Variants in EXOC3 observed in about 807,000 individuals in gnomAD.
EXOC3 encodes the protein exocyst complex component 3, also known as SEC6-like 1.
EXOC3 carries 21 observed loss-of-function variants against 73.7 expected under a neutral mutation model. The observed-to-expected ratio is 0.29, with a 90% confidence interval of 0.20 to 0.41. EXOC3 has a LOEUF of 0.41. Ranked by LOEUF, EXOC3 falls within the 10% of genes least tolerant of loss-of-function variation. The pLI is 1.00. For synonymous variants in EXOC3, 410 were observed against 389.1 expected (o/e 1.05, Z -0.63); for missense variants, 842 against 985.1 (o/e 0.85, Z 1.95).
At chr5:451,343 G>A (rs561884534) in intron 3 of EXOC3, among the ~76,000 whole-genome samples, 1 of 152,088 alleles carries the variant, frequency 6.6e-6, no homozygotes, top group Admixed American at 6.5e-5. Context: ...ACTCCCTTTG[G>A]GTTGTTCATT....
At position 466,958 on chromosome 5, in the gene EXOC3, G is replaced by A. The variant is rs540787535; in HGVS notation, c.*60G>A. ...CCTCGGTCCCTGCCTTTAGAAACGC[G>A]GGACAGCTGATTGCTCTCCTTGGCC... On this transcript the variant is annotated 3_prime_UTR_variant, in exon 13 of 13. Transcript: ENST00000512944. The A allele has an allele frequency of 1.2e-4, 172 of 1,480,966 alleles. No individual in the cohort carries two copies. The African/African-American group carries it at 2.1e-3, about 18-fold the overall frequency. 91.7% of individuals were successfully genotyped at this position (1,480,966 alleles called of 1,614,324 possible).
At chr5:459,169 G>A (rs1344984557) in intron 6 of EXOC3, among the ~76,000 whole-genome samples, 190 bp from the exon 7 acceptor site, 1 of 140,030 alleles carries the variant, frequency 7.1e-6, no homozygotes, top group Non-Finnish European at 1.5e-5. Flanking sequence ...ACTTTCCCAG[G>A]TGAGAAAGTT....
In EXOC3 at chr5:456,785, G is replaced by C. The variant is rs1737829494; in HGVS notation, c.1047-104G>C. 13 of 870,886 alleles carry C rather than the reference G, an allele frequency of 1.5e-5. No individual in the cohort carries two copies. The South Asian group carries it at 2.0e-4, about 13-fold the overall frequency. 53.9% of individuals were successfully genotyped at this position (870,886 alleles called of 1,614,324 possible). ...GCCGGCTGTGACCAGGAAGTCTCCA[G>C]GGTGGTGGACATTCATGTGTCAAGT... On this transcript the variant is annotated intron_variant, in intron 4 of 12. Transcript: ENST00000512944.
chr5:466,210 G>T (rs1486696926), intron 12 of EXOC3: 3 of 290,296 alleles, frequency 1.0e-5, no homozygotes, highest in Non-Finnish European at 2.0e-5. Flanking sequence ...GGACTCGGGA[G>T]GGCCCAAGTG....
intron 6 of EXOC3, 139 bp from the exon 7 acceptor site, chr5:459,220 G>T: frequency 5.7e-6 from 2 of 349,520 alleles, no homozygotes; most frequent in Admixed American, 6.4e-5. Context: ...TTTTTCACGT[G>T]GTTTCATTTT....
chr5:446,067 T>C, intron 1 of EXOC3, 83 bp from the exon 2 acceptor site: 1 of 912,344 alleles, frequency 1.1e-6, no homozygotes, highest in Non-Finnish European at 1.7e-6. Flanking sequence ...TCAGAGGCTC[T>C]GCTTGTAGCT....
At position 457,928 on chromosome 5, in the gene EXOC3, C is replaced by T. The variant is rs1378474926; in HGVS notation, c.1193C>T (p.Ala398Val). Residue 398 changes from alanine (A) to valine (V), a missense_variant, in exon 6 of 13, where the codon GCG becomes GTG. Coordinates refer to ENST00000512944, the MANE Select transcript of EXOC3 (RefSeq NM_007277.5). The part of the protein sequence containing the change: ...TSNIIAWLRK[A>V]LETDKKDWVK... ...AACATCATCGCCTGGCTGCGGAAAG[C>T]GCTGGAGACAGACAAGAAAGACTGG... is the stretch of plus-strand genomic sequence containing the variant. 9.9e-6 allele frequency: 16 copies of T among 1,609,810 alleles called. No individual in the cohort carries two copies. The highest frequency in any genetic ancestry group is 1.1e-5 in the Non-Finnish European group (13 of 1,177,756).
chr5:448,431 G>A lies in EXOC3; in HGVS notation c.364+679G>A, dbSNP rs527318421. Among the ~76,000 whole-genome samples, 53 of 152,224 alleles carry A rather than the reference G, an allele frequency of 3.5e-4. 1 individual carries two copies. The South Asian group carries it at 1.0e-2, about 29-fold the overall frequency. ...AGCCTCATCCCTCCCCTTGGTCCCC[G>A]CTCTGTGTCAAGGTCAGCAGCATCC... On this transcript the variant is annotated intron_variant, in intron 3 of 12. Coordinates refer to ENST00000512944, the MANE Select transcript of EXOC3 (RefSeq NM_007277.5).
chr5:447,611 A>T lies in EXOC3; in HGVS notation c.223A>T (p.Ile75Phe). 1 of 1,588,008 alleles carries T rather than the reference A, an allele frequency of 6.3e-7. No individual in the cohort carries two copies. The highest frequency in any genetic ancestry group is 2.3e-5 in the East Asian group (1 of 43,256). Reference protein sequence around the residue: ...LHNALNDVKDIQQSLADVSKD... With the variant: ...LHNALNDVKDFQQSLADVSKD... The stretch of plus-strand genomic sequence containing the variant: ...CAACGCCCTGAATGACGTCAAAGAC[A>T]TCCAGCAGTCGCTGGCAGACGTCAG... Residue 75 changes from isoleucine (I) to phenylalanine (F), a missense_variant, in exon 3 of 13, where the codon ATC (isoleucine) becomes TTC (phenylalanine). Ile to Phe is a conservative substitution (Grantham distance 21). Transcript: ENST00000512944.
rs746137344 is a variant in EXOC3, at chr5:459,468, T to C, written c.1391+9T>C. On this transcript the variant is annotated intron_variant, in intron 7 of 12. Coordinates refer to ENST00000512944, the MANE Select transcript of EXOC3 (RefSeq NM_007277.5). ...AATTCTTTCCTAAGCAGGTATGTCTTTCTGCCAGTGTGCTAATGTACACAT... is the reference window on the plus strand; with the variant it reads ...AATTCTTTCCTAAGCAGGTATGTCTCTCTGCCAGTGTGCTAATGTACACAT... 3 of 1,430,172 alleles carry C rather than the reference T, an allele frequency of 2.1e-6. No homozygotes were observed. In the Admixed American group the frequency reaches 6.4e-5, roughly 30 times the overall value. 88.6% of individuals were successfully genotyped at this position (1,430,172 alleles called of 1,614,324 possible).
chr5:457,835 T>C, intron 5 of EXOC3, 65 bp from the exon 6 acceptor site: 2 of 1,534,586 alleles, frequency 1.3e-6, no homozygotes, highest in South Asian at 1.2e-5. Context: ...GACCAGGTAA[T>C]TGGCATGACC....
rs1449392314 is a variant in EXOC3, at chr5:453,962, G to A, written c.957G>A (p.Leu319=). ...KNLLNMYHQA[L]STRMQDLASE... Reference sequence around the variant, plus strand: ...TCCTGAACATGTACCACCAAGCCCTGAGCACGCGGATGCAGGACCTCGCAT... The same window carrying A: ...TCCTGAACATGTACCACCAAGCCCTAAGCACGCGGATGCAGGACCTCGCAT... Residue 319 remains leucine (L), a synonymous_variant, in exon 4 of 13, where the codon CTG becomes CTA. Coordinates refer to ENST00000512944, the MANE Select transcript of EXOC3 (RefSeq NM_007277.5). 1 of 1,613,880 alleles carries A rather than the reference G, an allele frequency of 6.2e-7. No homozygotes were observed. The highest frequency in any genetic ancestry group is 8.5e-7 in the Non-Finnish European group (1 of 1,179,892).
rs1264181798 is a variant in EXOC3, at chr5:465,194, G to A, written c.1860G>A (p.Pro620=). 67 of 1,595,458 alleles carry A rather than the reference G, an allele frequency of 4.2e-5. No homozygotes were observed. Among genetic ancestry groups the A allele is most frequent in the Non-Finnish European group, 5.5e-5 (65 of 1,171,450 alleles). Residue 620 remains proline (P), a synonymous_variant, in exon 11 of 13, where the codon CCG becomes CCA. Transcript: ENST00000512944. ...AGAAGCGCATTTCCTTCCGGAGCCC[G>A]GAGGAGCGCAAGGAGGGTGCCGAGA... ...VMQKRISFRS[P]EERKEGAEKM...
At position 462,300 on chromosome 5, in the gene EXOC3, A is replaced by G; in HGVS notation, c.1646A>G (p.Asp549Gly). Residue 549 changes from aspartate (D) to glycine (G), a missense_variant, in exon 9 of 13, where the codon GAC becomes GGC. Asp to Gly is a moderately conservative substitution (Grantham distance 94). Transcript: ENST00000512944. ...GGTTTGCTGGAGGAGGTCTTCCTGG[A>G]CCTGGAGGTGGGCCTGGCTCTTTCC... Reference protein sequence around the residue: ...CSGLLEEVFLDLEQHLNELMT... With the variant: ...CSGLLEEVFLGLEQHLNELMT... The G allele has an allele frequency of 3.1e-6, 5 of 1,613,864 alleles. No homozygotes were observed. The highest frequency in any genetic ancestry group is 4.2e-6 in the Non-Finnish European group (5 of 1,179,868).
Position 453,722 on chromosome 5 carries a change from G to T in EXOC3, c.717G>T (p.Gly239=). ...RKKQTGFVPP[G]RPKNWKEKMF... ...AGCAAACTGGCTTTGTTCCTCCTGG[G>T]AGGCCCAAGAATTGGAAGGAGAAAA... Residue 239 remains glycine (G), a synonymous_variant, in exon 4 of 13, where the codon GGG becomes GGT. Coordinates refer to ENST00000512944, the MANE Select transcript of EXOC3 (RefSeq NM_007277.5). 1 of 1,613,936 alleles carries T rather than the reference G, an allele frequency of 6.2e-7. No individual in the cohort carries two copies. Among genetic ancestry groups the T allele is most frequent in the Non-Finnish European group, 8.5e-7 (1 of 1,179,900 alleles).
chr5:444,181 G>C (rs1737435602), intron 1 of EXOC3, among the ~76,000 whole-genome samples: 1 of 152,274 alleles, frequency 6.6e-6, no homozygotes, highest in Admixed American at 6.5e-5. Flanking sequence ...AAGGCAGTCA[G>C]AAAGGCCCTG....
intron 1 of EXOC3, among the ~76,000 whole-genome samples, chr5:443,506 C>A: frequency 6.6e-6 from 1 of 151,646 alleles, no homozygotes; most frequent in Non-Finnish European, 1.5e-5. Flanking sequence ...GTGTCCCCCC[C>A]AGGCGTAGGT....
At position 453,953 on chromosome 5, in the gene EXOC3, C is replaced by T. The variant is rs1342727642; in HGVS notation, c.948C>T (p.His316=). The T allele has an allele frequency of 2.5e-6, 4 of 1,614,028 alleles. No individual in the cohort carries two copies. The highest frequency in any genetic ancestry group is 3.4e-6 in the Non-Finnish European group (4 of 1,179,884). Residue 316 remains histidine, a synonymous_variant, in exon 4 of 13, where the codon CAC becomes CAT. Transcript: ENST00000512944. ...EIFKNLLNMY[H]QALSTRMQDL... is the part of the protein sequence containing the mutation. ...TTAAGAACCTCCTGAACATGTACCA[C>T]CAAGCCCTGAGCACGCGGATGCAGG...
At chr5:458,888 G>A (rs2434699) in intron 6 of EXOC3, among the ~76,000 whole-genome samples, 70,130 of 151,736 alleles carry the variant, frequency 0.46, 17,180 homozygotes, top group African/African-American at 0.64. Context: ...AACAGATGCC[G>A]TGAGAAACTG....
Sources: gnomAD v4.1 joint callset for allele counts (sites outside exome capture counted in the v4.1 genomes callset) on GRCh38, gnomAD v4.1.1 for gene constraint, MANE v1.5 for transcripts, NCBI Gene and HGNC (gene_info 2026-07-23, HGNC 2026-07-21) for gene names.